ZNF487: variants seen among roughly 807,000 people sequenced by gnomAD.
The protein encoded by ZNF487 is zinc finger protein 487.
In ZNF487, 4 loss-of-function variants were observed where a neutral mutation model predicts 3.0. The observed-to-expected ratio is 1.35, with a 90% confidence interval of 0.66 to 3.08. ZNF487 has a LOEUF of 3.08. ZNF487 is among the 30% of genes most tolerant of loss of function. ZNF487 has a pLI of 0.01. For missense variants in ZNF487, 146 were observed against 98.7 expected (o/e 1.48, Z -2.03); for synonymous variants, 55 against 34.6 (o/e 1.59, Z -2.06).
At chr10:43,493,741 G>A in the ZNF487 span, among the ~76,000 whole-genome samples, 1 of 129,836 alleles carries the variant, frequency 7.7e-6, no homozygotes, top group Non-Finnish European at 1.6e-5. Flanking sequence ...TATATATATG[G>A]CTTCCAAATA....
intron 1 of ZNF487, among the ~76,000 whole-genome samples, chr10:43,440,250 A>C (rs955444932): frequency 6.6e-6 from 1 of 151,972 alleles, no homozygotes; most frequent in South Asian, 2.1e-4. Flanking sequence ...GGCTTTTGGC[A>C]TGTTGGCCAG....
upstream of ZNF487, chr10:43,436,961 G>A: frequency 4.4e-6 from 2 of 453,522 alleles, no homozygotes; most frequent in Non-Finnish European, 9.2e-6. Context: ...GCGGACAAGA[G>A]GGCAGCTGGT....
intron 1 of ZNF487, chr10:43,453,234 T>C (rs999051264): frequency 6.6e-6 from 1 of 152,104 alleles, no homozygotes; most frequent in Admixed American, 6.5e-5. Flanking sequence ...CAATGTTCCT[T>C]GAGAAAGACA....
intron 1 of ZNF487, among the ~76,000 whole-genome samples, chr10:43,445,365 C>G (rs1839760160): frequency 6.6e-6 from 1 of 152,024 alleles, no homozygotes. Flanking sequence ...GTTTTCTTGC[C>G]TGTTTGCATG....
intron 3 of ZNF487, among the ~76,000 whole-genome samples, chr10:43,478,177 C>T (rs929624732): frequency 3.3e-5 from 5 of 151,976 alleles, no homozygotes; most frequent in African/African-American, 7.3e-5. Context: ...CCCAGCACTT[C>T]GGGAGACCAA....
chr10:43,446,887 A>T (rs150695381), intron 1 of ZNF487, among the ~76,000 whole-genome samples: 5,137 of 152,152 alleles, frequency 0.034, 206 homozygotes, highest in African/African-American at 0.094. Context: ...ACGCCACTGC[A>T]CTCCAGCCTG....
the ZNF487 span, among the ~76,000 whole-genome samples, chr10:43,491,006 T>G: frequency 2.6e-5 from 3 of 113,620 alleles, no homozygotes; most frequent in Admixed American, 1.1e-4. Flanking sequence ...TGAGACAGAG[T>G]CTCACTCTGT....
At chr10:43,496,255 A>G in the ZNF487 span, among the ~76,000 whole-genome samples, 1 of 152,180 alleles carries the variant, frequency 6.6e-6, no homozygotes, top group Non-Finnish European at 1.5e-5. Flanking sequence ...TTAGGGTTCA[A>G]AGGAGACCCT....
intron 1 of ZNF487, among the ~76,000 whole-genome samples, chr10:43,465,686 C>A (rs1360790537): frequency 6.6e-6 from 1 of 150,932 alleles, no homozygotes; most frequent in South Asian, 2.1e-4. Flanking sequence ...CGGGCAGAGA[C>A]GCTCCTCACT....
At chr10:43,521,574 T>C in the ZNF487 span, among the ~76,000 whole-genome samples, 6 of 152,228 alleles carry the variant, frequency 3.9e-5, no homozygotes, top group Non-Finnish European at 8.8e-5. Flanking sequence ...CCTGGGAATA[T>C]GTGTGCTGGG....
At chr10:43,443,509 G>T (rs1398512658) in intron 1 of ZNF487, among the ~76,000 whole-genome samples, 1 of 151,044 alleles carries the variant, frequency 6.6e-6, no homozygotes, top group Admixed American at 6.6e-5. Flanking sequence ...AAGTAGCTGG[G>T]ATTACAGGCA....
intron 1 of ZNF487, among the ~76,000 whole-genome samples, chr10:43,440,054 A>ATT (rs71016766): frequency 1.9e-4 from 28 of 147,728 alleles, no homozygotes; most frequent in African/African-American, 6.7e-4. Flanking sequence ...ATATATATAT[A>ATT]TTTTTTTTTT....
At chr10:43,453,819 G>A (rs532473121) in intron 1 of ZNF487, 2 of 152,286 alleles carry the variant, frequency 1.3e-5, no homozygotes, top group South Asian at 2.1e-4. Context: ...GAGTTGTGTC[G>A]TTGGGGGACT....
chr10:43,494,526 CCCTAAGATGCAAA>C, the ZNF487 span, among the ~76,000 whole-genome samples: 5,266 of 152,016 alleles, frequency 0.035, 119 homozygotes, highest in South Asian at 0.041. Context: ...AAATCACTGC[CCCTAAGATGCAAA>C]CCTGGACATC....
At chr10:43,473,270 T>C (rs905040577) in intron 1 of ZNF487, among the ~76,000 whole-genome samples, 8 of 150,650 alleles carry the variant, frequency 5.3e-5, no homozygotes, top group African/African-American at 1.9e-4. Flanking sequence ...GTATTATTAG[T>C]AGATATGGGG....
chr10:43,493,449 CT>C, the ZNF487 span, among the ~76,000 whole-genome samples: 1 of 151,882 alleles, frequency 6.6e-6, no homozygotes, highest in Non-Finnish European at 1.5e-5. Flanking sequence ...AATCCCAGCA[CT>C]TTGGGAAGCC....
chr10:43,440,168 C>T (rs963752468), intron 1 of ZNF487, among the ~76,000 whole-genome samples: 1 of 151,724 alleles, frequency 6.6e-6, no homozygotes, highest in Non-Finnish European at 1.5e-5. Context: ...CCTGCCTCAG[C>T]CTCCCGAGTA....
At chr10:43,506,679 G>A in the ZNF487 span, among the ~76,000 whole-genome samples, 5 of 152,108 alleles carry the variant, frequency 3.3e-5, no homozygotes, top group Admixed American at 2.6e-4. Context: ...CAAAGCCCTT[G>A]GTTGTTCACT....
the ZNF487 span, among the ~76,000 whole-genome samples, chr10:43,513,647 A>G: frequency 1.2e-4 from 18 of 152,136 alleles, no homozygotes; most frequent in South Asian, 2.1e-4. Context: ...TACCACCATA[A>G]TAGCCCTTAT....
Sources: gnomAD v4.1 joint callset for allele counts (sites outside exome capture counted in the v4.1 genomes callset) on GRCh38, gnomAD v4.1.1 for gene constraint, MANE v1.5 for transcripts, NCBI Gene and HGNC (gene_info 2026-07-23, HGNC 2026-07-21) for gene names.